Variants in SLC44A5 observed in about 807,000 individuals in gnomAD.
SLC44A5 encodes the protein solute carrier family 44 member 5.
In SLC44A5, 57 loss-of-function variants were observed where a neutral mutation model predicts 101.8. The observed-to-expected ratio is 0.56, with a 90% CI of 0.45 to 0.70. The LOEUF (loss-of-function observed/expected upper bound fraction) is 0.70, where lower values mean the gene tolerates loss of function less well. Among genes scored for constraint, SLC44A5 ranks in the 30% least tolerant of loss-of-function variants. SLC44A5 has a pLI of 0.00. For synonymous variants in SLC44A5, 281 were observed against 290.9 expected (o/e 0.97, Z 0.35); for missense variants, 737 against 853.1 (o/e 0.86, Z 1.70).
chr1:75,311,395 G>A (rs1305038288), intron 4 of SLC44A5, among the ~76,000 whole-genome samples: 1 of 152,170 alleles, frequency 6.6e-6, no homozygotes, highest in Non-Finnish European at 1.5e-5. Flanking sequence ...GGGATTACAG[G>A]CGTGAGCCAC....
chr1:75,424,992 C>T (rs1268634912), intron 2 of SLC44A5, among the ~76,000 whole-genome samples: 2 of 152,166 alleles, frequency 1.3e-5, no homozygotes, highest in African/African-American at 4.8e-5. Flanking sequence ...TGGTAGGAAG[C>T]ATTTAAAATA....
chr1:75,591,314 T>C (rs1172668959), intron 1 of SLC44A5, among the ~76,000 whole-genome samples: 1 of 151,746 alleles, frequency 6.6e-6, no homozygotes, highest in Non-Finnish European at 1.5e-5. Context: ...GGAAAACAAA[T>C]AACAAATGGC....
intron 2 of SLC44A5, among the ~76,000 whole-genome samples, chr1:75,533,615 C>T (rs979394367): frequency 5.9e-5 from 9 of 152,136 alleles, no homozygotes; most frequent in Non-Finnish European, 1.0e-4. Context: ...CTCAGACTGA[C>T]GTTATCCATG....
rs528408107 is a variant in SLC44A5, at chr1:75,344,794, C to T, written c.53-5164G>A. The stretch of plus-strand genomic sequence containing the variant: ...ATTTTGGACTTCTAACATCTAGAAT[C>T]GTAAGATAATAAATTTGTGTTTTTC... On this transcript the variant is annotated intron_variant, in intron 3 of 23. Transcript: ENST00000370859. Among the ~76,000 whole-genome samples, 9 of 152,078 alleles carry T rather than the reference C, an allele frequency of 5.9e-5. No homozygotes were observed. The South Asian group carries it at 6.2e-4, about 11-fold the overall frequency.
At chr1:75,514,488 G>A (rs990613404) in intron 2 of SLC44A5, among the ~76,000 whole-genome samples, 5 of 152,148 alleles carry the variant, frequency 3.3e-5, no homozygotes, top group African/African-American at 1.2e-4. Flanking sequence ...AGACATAACA[G>A]ACACTGAATG....
At chr1:75,685,254 G>T in the SLC44A5 span, among the ~76,000 whole-genome samples, 1 of 152,106 alleles carries the variant, frequency 6.6e-6, no homozygotes, top group Non-Finnish European at 1.5e-5. Flanking sequence ...GGGATAAGAG[G>T]GGCTGCTGTG....
At chr1:75,231,361 T>C (rs1647553317) in intron 12 of SLC44A5, among the ~76,000 whole-genome samples, 1 of 152,204 alleles carries the variant, frequency 6.6e-6, no homozygotes, top group South Asian at 2.1e-4. Context: ...CAAAACAATG[T>C]ATTATATAAA....
At chr1:75,402,383 A>G in intron 2 of SLC44A5, 1 of 371,462 alleles carries the variant, frequency 2.7e-6, no homozygotes, top group South Asian at 2.0e-5. Flanking sequence ...TGTTCACTAC[A>G]AGAGGTGGCT....
At chr1:75,486,912 AT>A (rs1668182244) in intron 2 of SLC44A5, among the ~76,000 whole-genome samples, 1 of 152,212 alleles carries the variant, frequency 6.6e-6, no homozygotes, top group Non-Finnish European at 1.5e-5. Context: ...TCCCAAATAT[AT>A]CATGGAAATT....
chr1:75,518,875 T>C (rs1234377371), intron 2 of SLC44A5, among the ~76,000 whole-genome samples: 1 of 152,180 alleles, frequency 6.6e-6, no homozygotes, highest in South Asian at 2.1e-4. Context: ...GAGTGAATGC[T>C]AACGAGATTT....
chr1:75,507,259 G>A (rs1220466317), intron 2 of SLC44A5, among the ~76,000 whole-genome samples: 1 of 152,064 alleles, frequency 6.6e-6, no homozygotes, highest in African/African-American at 2.4e-5. Context: ...TATCGTGAAA[G>A]GATGTTAGAT....
intron 1 of SLC44A5, among the ~76,000 whole-genome samples, chr1:75,546,034 A>G (rs1401114921): frequency 2.6e-5 from 4 of 151,746 alleles, no homozygotes; most frequent in African/African-American, 9.7e-5. Flanking sequence ...GTTACCCAAG[A>G]TGGTCTTGAA....
At chr1:75,698,614 A>T in the SLC44A5 span, among the ~76,000 whole-genome samples, 1 of 152,262 alleles carries the variant, frequency 6.6e-6, no homozygotes, top group East Asian at 1.9e-4. Context: ...CTCCAAAGGA[A>T]CGCAGTTCCT....
intron 1 of SLC44A5, among the ~76,000 whole-genome samples, chr1:75,548,378 T>A (rs1671763662): frequency 6.6e-6 from 1 of 152,134 alleles, no homozygotes; most frequent in Non-Finnish European, 1.5e-5. Context: ...ATCTTTTAAC[T>A]TTATGAAATT....
intron 4 of SLC44A5, among the ~76,000 whole-genome samples, chr1:75,331,540 G>A (rs757884176): frequency 7.2e-5 from 11 of 152,080 alleles, no homozygotes; most frequent in Non-Finnish European, 1.0e-4. Context: ...AACTGCAAAA[G>A]CTTCCTGTGA....
Position 75,544,638 on chromosome 1 carries a change from A to ATTTATTAATAATAAATTT in SLC44A5, c.-69-3123_-69-3122insAAATTTATTATTAATAAA, listed in dbSNP as rs1671546702. Among the ~76,000 whole-genome samples the ATTTATTAATAATAAATTT allele has an allele frequency of 1.7e-4, 26 of 152,372 alleles. 1 individual carries two copies. In the South Asian group the frequency reaches 5.4e-3, roughly 32 times the overall value. On this transcript the variant is annotated intron_variant, in intron 1 of 23. Coordinates refer to ENST00000370859, the MANE Select transcript of SLC44A5 (RefSeq NM_001130058.2). ...AAAGAATGTTCTCATAAATTAACAC[A>ATTTATTAATAATAAATTT]GTATATTTATCAAATCCAAGAATTT...
intron 7 of SLC44A5, 29 bp downstream of exon 7, chr1:75,251,181 C>G (rs1365693518): frequency 7.2e-6 from 11 of 1,532,788 alleles, no homozygotes; most frequent in Non-Finnish European, 9.0e-6. Flanking sequence ...GAACGGCTGA[C>G]ACTACCAGTG....
At chr1:75,659,439 GGGAGGGAA>G in the SLC44A5 span, among the ~76,000 whole-genome samples, 4 of 12,464 alleles carry the variant, frequency 3.2e-4, no homozygotes, top group Admixed American at 6.7e-4. Context: ...GAGGGAGGGA[GGGAGGGAA>G]GGAAGGAAGG....
intron 4 of SLC44A5, among the ~76,000 whole-genome samples, chr1:75,319,862 CAG>C (rs1223803662): frequency 6.6e-6 from 1 of 152,090 alleles, no homozygotes; most frequent in East Asian, 1.9e-4. Flanking sequence ...GTAAAGGAAA[CAG>C]AGGATAAAAT....
Sources: allele counts gnomAD v4.1 joint callset (sites outside exome capture counted in the v4.1 genomes callset), GRCh38; gene constraint gnomAD v4.1.1; transcripts MANE v1.5; gene names NCBI Gene and HGNC (gene_info 2026-07-23, HGNC 2026-07-21).